GALNT2: variants seen among roughly 807,000 people sequenced by gnomAD.
GALNT2 encodes the protein polypeptide N-acetylgalactosaminyltransferase 2, also known as UDP-GalNAc:polypeptide N-acetylgalactosaminyltransferase 2.
GALNT2 carries 31 observed loss-of-function variants against 81.4 expected under a neutral mutation model. The ratio of observed to expected loss-of-function variants is 0.38; its 90% CI spans 0.29 to 0.51. The LOEUF (loss-of-function observed/expected upper bound fraction) is 0.51. GALNT2 is among the 20% of genes least tolerant of loss of function. GALNT2 has a pLI of 0.87. For synonymous variants in GALNT2, 303 were observed against 287.4 expected, an observed-to-expected ratio of 1.05 and a Z score of -0.55; for missense variants, 629 against 765.7, an observed-to-expected ratio of 0.82 and a Z score of 2.11.
intron 1 of GALNT2, among the ~76,000 whole-genome samples, chr1:230,141,224 C>T (rs35375692): frequency 0.094 from 14,379 of 152,188 alleles, 1,035 homozygotes; most frequent in African/African-American, 0.2. Context: ...AGGAGAGATC[C>T]TGCCCATCTT....
At chr1:230,119,498 G>A (rs892425363) in intron 1 of GALNT2, among the ~76,000 whole-genome samples, 1 of 152,194 alleles carries the variant, frequency 6.6e-6, no homozygotes, top group Non-Finnish European at 1.5e-5. Flanking sequence ...GGAGGCACAG[G>A]GCACTGGGTT....
At chr1:230,169,518 T>A (rs1662721145) in intron 1 of GALNT2, among the ~76,000 whole-genome samples, 1 of 152,212 alleles carries the variant, frequency 6.6e-6, no homozygotes, top group Non-Finnish European at 1.5e-5. Context: ...TGTGCGTAGC[T>A]ATAGGGATTT....
intron 9 of GALNT2, among the ~76,000 whole-genome samples, chr1:230,249,795 A>G (rs1485882584): frequency 6.6e-6 from 1 of 152,214 alleles, no homozygotes; most frequent in African/African-American, 2.4e-5. Flanking sequence ...CGGTTAAGTG[A>G]GATAGCATTC....
Position 230,243,688 on chromosome 1 carries a change from G to A in GALNT2, c.729+261G>A, listed in dbSNP as rs1263683303. 6.6e-6 allele frequency among the ~76,000 whole-genome samples: 1 copy of A among 152,226 alleles called. No individual in the cohort carries two copies. The highest frequency in any genetic ancestry group is 2.4e-5 in the African/African-American group (1 of 41,456). Reference sequence around the variant, plus strand: ...TAGGAGGCGAGGATCAGCAGAGGCTGGTGAGAGCCTGATTAGTTGAAGGCA... The same window carrying A: ...TAGGAGGCGAGGATCAGCAGAGGCTAGTGAGAGCCTGATTAGTTGAAGGCA... On this transcript the variant is annotated intron_variant, in intron 7 of 15. Transcript: ENST00000366672. The surrounding 1 kb of genome is among the most constrained non-coding windows in gnomAD (Gnocchi z 4.2).
chr1:230,191,542 G>T (rs1663524891), intron 2 of GALNT2, among the ~76,000 whole-genome samples: 2 of 152,176 alleles, frequency 1.3e-5, no homozygotes, highest in South Asian at 2.1e-4. Flanking sequence ...TTGAGACAGG[G>T]TCTCACCAAC....
At chr1:230,273,943 T>C (rs1558173175) in intron 14 of GALNT2, among the ~76,000 whole-genome samples, 1 of 152,346 alleles carries the variant, frequency 6.6e-6, no homozygotes, top group East Asian at 1.9e-4. Context: ...CTATACACGA[T>C]ATATTTTGCT....
chr1:230,238,280 G>A (rs1665092980), intron 6 of GALNT2, among the ~76,000 whole-genome samples: 1 of 152,054 alleles, frequency 6.6e-6, no homozygotes, highest in African/African-American at 2.4e-5. Flanking sequence ...GCAGTCTTAG[G>A]ATCATTCTTC....
intron 1 of GALNT2, among the ~76,000 whole-genome samples, chr1:230,087,033 G>T (rs528914609): frequency 6.6e-6 from 1 of 152,344 alleles, no homozygotes; most frequent in Non-Finnish European, 1.5e-5. Flanking sequence ...CACCAGGCAC[G>T]TAGGGAGAAA....
At chr1:230,248,614 G>T (rs1665449016) in intron 8 of GALNT2, among the ~76,000 whole-genome samples, 1 of 152,176 alleles carries the variant, frequency 6.6e-6, no homozygotes, top group Non-Finnish European at 1.5e-5. Flanking sequence ...TGAAATTGAA[G>T]CTTATTTGCC....
At chr1:230,159,573 A>G (rs1662367215) in intron 1 of GALNT2, among the ~76,000 whole-genome samples, 1 of 152,218 alleles carries the variant, frequency 6.6e-6, no homozygotes, top group South Asian at 2.1e-4. Context: ...AGTTTGGGCC[A>G]TGAGGTCCAC....
In GALNT2 at chr1:230,249,341, C is replaced by G. The variant is rs771185695; in HGVS notation, c.905+70C>G. Reference sequence around the variant, plus strand: ...CAGGTTCCAGCTTCTTTGCTGGGCCCGCACCGCCTGGAGACCCAGTGGGGG... The same window carrying G: ...CAGGTTCCAGCTTCTTTGCTGGGCCGGCACCGCCTGGAGACCCAGTGGGGG... On this transcript the variant is annotated intron_variant, in intron 9 of 15. Coordinates refer to ENST00000366672, the MANE Select transcript of GALNT2 (RefSeq NM_004481.5). 4.2e-6 allele frequency: 6 copies of G among 1,414,058 alleles called. No individual in the cohort carries two copies. The South Asian group carries it at 6.0e-5, about 14-fold the overall frequency. The allele number at this position is 1,414,058 out of a possible 1,614,324, so 87.6% of individuals were successfully genotyped here.
chr1:230,282,098 A>C lies in GALNT2; in HGVS notation c.*2640A>C, dbSNP rs1666462295. 1 of 152,060 alleles carries C rather than the reference A, an allele frequency of 6.6e-6. No homozygotes were observed. Among genetic ancestry groups the C allele is most frequent in the Non-Finnish European group, 1.5e-5 (1 of 68,014 alleles). 9.4% of individuals were successfully genotyped at this position (152,060 alleles called of 1,614,324 possible). On this transcript the variant is annotated 3_prime_UTR_variant, in exon 16 of 16. Transcript: ENST00000366672. ...ACCATCCTTGAAAATTGTTTAACTT[A>C]AATAAAGAGAAGATACTTTCTAGAT...
At chr1:230,087,038 G>C (rs1659920743) in intron 1 of GALNT2, among the ~76,000 whole-genome samples, 1 of 152,212 alleles carries the variant, frequency 6.6e-6, no homozygotes, top group South Asian at 2.1e-4. Flanking sequence ...GGCACGTAGG[G>C]AGAAAGAGCT....
At chr1:230,211,786 T>A (rs1402176721) in intron 3 of GALNT2, among the ~76,000 whole-genome samples, 1 of 151,936 alleles carries the variant, frequency 6.6e-6, no homozygotes, top group Non-Finnish European at 1.5e-5. Context: ...AAATAAAAAA[T>A]TTTATTTACT....
intron 1 of GALNT2, among the ~76,000 whole-genome samples, chr1:230,074,730 C>T (rs373360567): frequency 6.7e-4 from 102 of 152,334 alleles, no homozygotes; most frequent in African/African-American, 2.2e-3. Flanking sequence ...TTAATAAACA[C>T]TTTCATGGCA....
chr1:230,116,708 A>C (rs1243320157), intron 1 of GALNT2, among the ~76,000 whole-genome samples: 1 of 152,140 alleles, frequency 6.6e-6, no homozygotes, highest in African/African-American at 2.4e-5. Context: ...TGACAGGAGT[A>C]TATATTTTTT....
intron 3 of GALNT2, among the ~76,000 whole-genome samples, chr1:230,233,356 T>C (rs1318279575): frequency 1.3e-5 from 2 of 152,216 alleles, no homozygotes; most frequent in Non-Finnish European, 2.9e-5. Flanking sequence ...GGCTCACGCC[T>C]GTAATCCCAA....
chr1:230,159,108 T>G (rs1662350541), intron 1 of GALNT2, among the ~76,000 whole-genome samples: 1 of 152,226 alleles, frequency 6.6e-6, no homozygotes, highest in Admixed American at 6.5e-5. Context: ...GCGTACACTT[T>G]AACCTGTAAT....
intron 1 of GALNT2, among the ~76,000 whole-genome samples, chr1:230,129,656 C>G (rs1411822257): frequency 6.6e-6 from 1 of 152,182 alleles, no homozygotes; most frequent in Non-Finnish European, 1.5e-5. Context: ...ACAATACACC[C>G]AAGGGTCCTT....
Sources: allele counts gnomAD v4.1 joint callset (sites outside exome capture counted in the v4.1 genomes callset), GRCh38; gene constraint gnomAD v4.1.1; non-coding constraint Gnocchi (gnomAD v3.1); transcripts MANE v1.5; gene names NCBI Gene and HGNC (gene_info 2026-07-23, HGNC 2026-07-21).